PEAK1: variants seen among roughly 807,000 people sequenced by gnomAD.
The protein encoded by PEAK1 is inactive tyrosine-protein kinase PEAK1.
In PEAK1, 54 loss-of-function variants were observed where a neutral mutation model predicts 124.7. The observed-to-expected ratio is 0.43, with a 90% CI of 0.35 to 0.54. The LOEUF is 0.54. Ranked by LOEUF, PEAK1 falls within the 20% of genes least tolerant of loss-of-function variation. The pLI is 0.01. For synonymous variants in PEAK1, 719 were observed against 760.0 expected, an observed-to-expected ratio of 0.95 and a Z score of 0.89; for missense variants, 2,046 against 2,134.5, an observed-to-expected ratio of 0.96 and a Z score of 0.82.
intron 1 of PEAK1, chr15:77,419,567 G>T: frequency 1.0e-6 from 1 of 985,202 alleles, no homozygotes; most frequent in Non-Finnish European, 1.2e-6. Context: ...CGGGCTGACC[G>T]TGTGGACCCG....
In PEAK1 at chr15:77,181,960, C is replaced by A. The variant is rs543155462; in HGVS notation, c.-34G>T. ...ATAGAACTTCACAGACAATGCTTTT[C>A]TTTCAGTGCATGACAAAACTTTCAT... On this transcript the variant is annotated 5_prime_UTR_variant, in exon 7 of 10. Transcript: ENST00000682557. The A allele has an allele frequency of 2.4e-5, 36 of 1,522,716 alleles. No homozygotes were observed. The highest frequency in any genetic ancestry group is 2.1e-4 in the Middle Eastern group (1 of 4,688). 94.3% of individuals were successfully genotyped at this position (1,522,716 alleles called of 1,614,324 possible).
chr15:77,252,752 G>A (rs544101300), intron 5 of PEAK1, among the ~76,000 whole-genome samples: 2 of 152,246 alleles, frequency 1.3e-5, no homozygotes, highest in East Asian at 1.9e-4. Context: ...AGAACCGAAA[G>A]AGCACCGATG....
intron 6 of PEAK1, among the ~76,000 whole-genome samples, chr15:77,238,381 T>C (rs959385266): frequency 2.6e-5 from 4 of 152,158 alleles, no homozygotes; most frequent in African/African-American, 7.2e-5. Context: ...TCTTTTGAAT[T>C]GCTAACTTCA....
At chr15:77,159,951 C>T (rs559842084) in intron 7 of PEAK1, among the ~76,000 whole-genome samples, 1 of 152,300 alleles carries the variant, frequency 6.6e-6, no homozygotes, top group Admixed American at 6.5e-5. Flanking sequence ...TCTCTCTATA[C>T]TGGGAATAAG....
Position 77,133,267 on chromosome 15 carries a change from T to C in PEAK1, c.3815A>G (p.Gln1272Arg), listed in dbSNP as rs2053031427. Reference sequence around the variant, plus strand: ...AAGTCCTCGATAAAGTGCTTGTCTCTGCGGCTTCTGGATGCCTCGGCCCTG... The same window carrying C: ...AAGTCCTCGATAAAGTGCTTGTCTCCGCGGCTTCTGGATGCCTCGGCCCTG... ...CRQGRGIQKP[Q>R]RQALYRGLEN... Residue 1272 changes from glutamine (Q) to arginine (R), a missense_variant, in exon 9 of 10, where the codon CAG becomes CGG. Gln to Arg is a conservative substitution (Grantham distance 43). Coordinates refer to ENST00000682557, the MANE Select transcript of PEAK1 (RefSeq NM_001385026.1). This position sits in a 1 kb window ranked among gnomAD's most constrained non-coding sequence, Gnocchi z 4.2. 5 of 1,614,260 alleles carry C rather than the reference T, an allele frequency of 3.1e-6. No individual in the cohort carries two copies. Among genetic ancestry groups the C allele is most frequent in the Non-Finnish European group, 4.2e-6 (5 of 1,180,038 alleles).
chr15:77,315,668 A>G (rs993155117), intron 2 of PEAK1, among the ~76,000 whole-genome samples: 1 of 151,890 alleles, frequency 6.6e-6, no homozygotes, highest in Non-Finnish European at 1.5e-5. Context: ...AACAACAACT[A>G]TATATTATAT....
intron 1 of PEAK1, among the ~76,000 whole-genome samples, chr15:77,409,786 A>G (rs2072243361): frequency 1.3e-5 from 2 of 152,222 alleles, no homozygotes; most frequent in African/African-American, 4.8e-5. Flanking sequence ...TAACAGTTAA[A>G]AACTGAACAC....
intron 6 of PEAK1, among the ~76,000 whole-genome samples, chr15:77,194,011 C>T (rs1007879204): frequency 2.0e-5 from 3 of 152,128 alleles, no homozygotes; most frequent in African/African-American, 4.8e-5. Flanking sequence ...CTCCAGACTT[C>T]GGCTGCCTAC....
At chr15:77,184,443 G>A (rs2057435791) in intron 6 of PEAK1, among the ~76,000 whole-genome samples, 1 of 152,030 alleles carries the variant, frequency 6.6e-6, no homozygotes, top group African/African-American at 2.4e-5. Context: ...AACTTACCTT[G>A]GAGCCCAGCA....
intron 2 of PEAK1, among the ~76,000 whole-genome samples, chr15:77,336,811 A>G (rs2066230729): frequency 6.6e-6 from 1 of 152,192 alleles, no homozygotes; most frequent in Admixed American, 6.5e-5. Flanking sequence ...TGTACATGAT[A>G]TAATACTGTA....
intron 9 of PEAK1, among the ~76,000 whole-genome samples, chr15:77,123,869 G>C (rs999640160): frequency 3.3e-5 from 5 of 152,164 alleles, no homozygotes; most frequent in Non-Finnish European, 5.9e-5. Flanking sequence ...AATGCAATCT[G>C]GGTGGTGGCT....
chr15:77,290,610 C>T (rs1465612696), intron 2 of PEAK1, among the ~76,000 whole-genome samples: 2 of 151,314 alleles, frequency 1.3e-5, no homozygotes, highest in African/African-American at 2.4e-5. Flanking sequence ...AGGGCAGTGG[C>T]GTGACCATGG....
rs537687787 is a variant in PEAK1, at chr15:77,108,776, C to G, written c.*5380G>C. ...AAAATGTCCGACCTCTTTTGATTCC[C>G]TGAAACTTTCTTGATTTAAAAAACA... On this transcript the variant is annotated 3_prime_UTR_variant, in exon 10 of 10. Transcript: ENST00000682557. The G allele has an allele frequency of 3.9e-5, 6 of 152,292 alleles. No individual in the cohort carries two copies. Among genetic ancestry groups the G allele is most frequent in the African/African-American group, 1.4e-4 (6 of 41,558 alleles). 9.4% of individuals were successfully genotyped at this position (152,292 alleles called of 1,614,324 possible).
In PEAK1 at chr15:77,132,989, TATA is replaced by T. The variant is rs1165957867; in HGVS notation, c.4077+13_4077+15del. On this transcript the variant is annotated intron_variant, in intron 9 of 9. Coordinates refer to ENST00000682557, the MANE Select transcript of PEAK1 (RefSeq NM_001385026.1). ...AGTGGTTAAGACTTAACATGAGATT[TATA>T]ATATTTTCTTACCTTGACTGCATAG... 1 of 1,591,976 alleles carries T rather than the reference TATA, an allele frequency of 6.3e-7. No homozygotes were observed. Among genetic ancestry groups the T allele is most frequent in the Non-Finnish European group, 8.6e-7 (1 of 1,165,196 alleles).
intron 6 of PEAK1, chr15:77,204,604 C>T (rs936028862): frequency 1.3e-5 from 2 of 152,556 alleles, no homozygotes; most frequent in African/African-American, 2.4e-5. Flanking sequence ...GGAGATTGGC[C>T]TGGTGGTCAG....
chr15:77,377,663 T>C (rs1260662248), intron 1 of PEAK1, among the ~76,000 whole-genome samples: 1 of 151,990 alleles, frequency 6.6e-6, no homozygotes, highest in Non-Finnish European at 1.5e-5. Context: ...AGAGATGGGG[T>C]TTTACCATGT....
chr15:77,180,387 A>G lies in PEAK1; in HGVS notation c.1540T>C (p.Leu514=), dbSNP rs920856512. The change falls in exon 7 of 10, where the codon TTG becomes CTG. Residue 514 remains leucine, a synonymous_variant. Transcript: ENST00000682557. ...TGGGCACTTATTTGTCCTGGTGTCA[A>G]TGAAGATGATGTAACTGGAGAGTTT... ...TPNSPVTSSS[L]TPGQISAHFQ... is the part of the protein sequence containing the mutation. The G allele has an allele frequency of 1.2e-6, 2 of 1,614,146 alleles. No individual in the cohort carries two copies. Among genetic ancestry groups the G allele is most frequent in the Non-Finnish European group, 1.7e-6 (2 of 1,180,018 alleles).
In PEAK1 at chr15:77,115,331, TA is replaced by T. The variant is rs1242415090; in HGVS notation, c.4078-13del. The T allele has an allele frequency of 4.4e-6, 7 of 1,603,322 alleles. No homozygotes were observed. The highest frequency in any genetic ancestry group is 6.0e-6 in the Non-Finnish European group (7 of 1,172,208). ...TTGCTCTTACAGATCTGAAAGATAA[TA>T]AAACAATTCAAAACTCACACTCTCA... On this transcript the variant is annotated splice_polypyrimidine_tract_variant and intron_variant, in intron 9 of 9. Coordinates refer to ENST00000682557, the MANE Select transcript of PEAK1 (RefSeq NM_001385026.1).
At chr15:77,374,963 T>C (rs1431253116) in intron 1 of PEAK1, among the ~76,000 whole-genome samples, 8 of 152,166 alleles carry the variant, frequency 5.3e-5, no homozygotes, top group Non-Finnish European at 1.2e-4. Context: ...GGTATTTGTA[T>C]TAAAGTAAAA....
Sources: gnomAD v4.1 joint callset for allele counts (sites outside exome capture counted in the v4.1 genomes callset) on GRCh38, gnomAD v4.1.1 for gene constraint, Gnocchi (gnomAD v3.1) non-coding constraint, MANE v1.5 for transcripts, NCBI Gene and HGNC (gene_info 2026-07-23, HGNC 2026-07-21) for gene names.